HS3ST4: variants seen among roughly 807,000 people sequenced by gnomAD.
HS3ST4 encodes the protein heparan sulfate glucosamine 3-O-sulfotransferase 4.
A neutral mutation model predicts 29.2 loss-of-function variants in HS3ST4; 17 were observed. The ratio of observed to expected loss-of-function variants is 0.58; its 90% CI spans 0.40 to 0.87. The LOEUF (loss-of-function observed/expected upper bound fraction) is 0.87. Among genes scored for constraint, HS3ST4 ranks in the 40% least tolerant of loss-of-function variants. HS3ST4 has a pLI of 0.00. For synonymous variants in HS3ST4, 314 were observed against 285.7 expected, an observed-to-expected ratio of 1.10 and a Z score of -1.00; for missense variants, 627 against 634.5, an observed-to-expected ratio of 0.99 and a Z score of 0.13.
chr16:26,072,389 G>A (rs779596982), intron 1 of HS3ST4, among the ~76,000 whole-genome samples: 3 of 152,260 alleles, frequency 2.0e-5, no homozygotes, highest in East Asian at 3.9e-4. Context: ...GATAGCTTTG[G>A]TGTGGGACAC....
intron 1 of HS3ST4, among the ~76,000 whole-genome samples, chr16:25,806,526 C>T (rs1244456439): frequency 6.6e-6 from 1 of 152,080 alleles, no homozygotes; most frequent in Admixed American, 6.5e-5. Flanking sequence ...TGAACACAAT[C>T]CATTTTATAT....
chr16:25,758,955 C>CA (rs1419966225), intron 1 of HS3ST4, among the ~76,000 whole-genome samples: 21 of 118,084 alleles, frequency 1.8e-4, no homozygotes, highest in South Asian at 6.5e-4. Flanking sequence ...GACTCTGTCT[C>CA]AAAAAAAACA....
chr16:26,112,250 ATGTGTGTGTG>A (rs35207548), intron 1 of HS3ST4, among the ~76,000 whole-genome samples: 1 of 148,350 alleles, frequency 6.7e-6, no homozygotes, highest in South Asian at 2.1e-4. Context: ...GTGTGTGTGT[ATGTGTGTGTG>A]TGTGTGTGTG....
chr16:25,885,469 G>A (rs893471069), intron 1 of HS3ST4, among the ~76,000 whole-genome samples: 1 of 152,110 alleles, frequency 6.6e-6, no homozygotes, highest in Admixed American at 6.6e-5. Flanking sequence ...GCAACTTTGG[G>A]ATACCTTATT....
At chr16:26,033,513 T>TAA in intron 1 of HS3ST4, among the ~76,000 whole-genome samples, 1 of 80,418 alleles carries the variant, frequency 1.2e-5, no homozygotes, top group African/African-American at 4.3e-5. Flanking sequence ...AGACTCTGTC[T>TAA]CAAAAAAAAA....
intron 1 of HS3ST4, among the ~76,000 whole-genome samples, chr16:25,995,607 G>A (rs963742764): frequency 2.6e-5 from 4 of 152,168 alleles, no homozygotes; most frequent in African/African-American, 9.7e-5. Flanking sequence ...TCTCAATCGT[G>A]TGCCCATCCT....
At chr16:26,038,591 G>T (rs1033138498) in intron 1 of HS3ST4, among the ~76,000 whole-genome samples, 1 of 151,898 alleles carries the variant, frequency 6.6e-6, no homozygotes, top group Non-Finnish European at 1.5e-5. Flanking sequence ...CTGCTCATGG[G>T]CCCTCTCTAC....
At chr16:26,134,357 C>CTTTTTTTTTTTTTTTTTTTTT (rs1167036022) in intron 1 of HS3ST4, among the ~76,000 whole-genome samples, 2 of 109,066 alleles carry the variant, frequency 1.8e-5, no homozygotes, top group African/African-American at 3.8e-5. Flanking sequence ...CTTTTCTTTT[C>CTTTTTTTTTTTTTTTTTTTTT]TTTTCTTTTT....
At chr16:26,059,028 G>A (rs1012296885) in intron 1 of HS3ST4, among the ~76,000 whole-genome samples, 1 of 152,124 alleles carries the variant, frequency 6.6e-6, no homozygotes, top group Non-Finnish European at 1.5e-5. Flanking sequence ...CCTTGCCAAG[G>A]GAAGTGGAAA....
intron 1 of HS3ST4, among the ~76,000 whole-genome samples, chr16:25,848,609 C>T (rs544359852): frequency 3.5e-4 from 53 of 151,962 alleles, no homozygotes; most frequent in Admixed American, 1.8e-3. Flanking sequence ...TAGTTATGCC[C>T]TCTTCATCAT....
At chr16:26,125,924 T>C (rs1375616938) in intron 1 of HS3ST4, among the ~76,000 whole-genome samples, 1 of 152,254 alleles carries the variant, frequency 6.6e-6, no homozygotes, top group Non-Finnish European at 1.5e-5. Flanking sequence ...TCCAACTTCA[T>C]CTGGATACTC....
At chr16:25,973,375 C>G (rs569735928) in intron 1 of HS3ST4, among the ~76,000 whole-genome samples, 2 of 152,290 alleles carry the variant, frequency 1.3e-5, no homozygotes, top group Admixed American at 6.5e-5. Context: ...ATGGGAGGCT[C>G]TAAAGCCACA....
chr16:25,894,167 G>A (rs1306606099), intron 1 of HS3ST4, among the ~76,000 whole-genome samples: 1 of 152,098 alleles, frequency 6.6e-6, no homozygotes, highest in Non-Finnish European at 1.5e-5. Context: ...CATTTTAGTG[G>A]CTTTCCTTGG....
In HS3ST4 at chr16:25,957,005, A is replaced by T. The variant is rs1047741309; in HGVS notation, c.735-178607A>T. Among the ~76,000 whole-genome samples, 3 of 151,682 alleles carry T rather than the reference A, an allele frequency of 2.0e-5. 1 individual carries two copies. Among genetic ancestry groups the T allele is most frequent in the African/African-American group, 7.3e-5 (3 of 41,310 alleles). On this transcript the variant is annotated intron_variant, in intron 1 of 1. Coordinates refer to ENST00000331351, the MANE Select transcript of HS3ST4 (RefSeq NM_006040.3). ...AGAGCGAGACTCCGTCTCAAAAAAAAAAAAAAAAAAAAGCATGGGTTTTGT... is the reference window on the plus strand; with the variant it reads ...AGAGCGAGACTCCGTCTCAAAAAAATAAAAAAAAAAAAGCATGGGTTTTGT...
chr16:26,056,606 A>G (rs1898411702), intron 1 of HS3ST4, among the ~76,000 whole-genome samples: 1 of 152,132 alleles, frequency 6.6e-6, no homozygotes, highest in African/African-American at 2.4e-5. Context: ...CCTTTACCTA[A>G]TGTGTGCACA....
intron 1 of HS3ST4, among the ~76,000 whole-genome samples, chr16:25,855,204 A>G (rs138377403): frequency 2.0e-3 from 301 of 152,308 alleles, no homozygotes; most frequent in Non-Finnish European, 3.6e-3. Flanking sequence ...TGAAGATGGT[A>G]GAAAAAAATT....
At chr16:26,106,406 T>C (rs1376171611) in intron 1 of HS3ST4, among the ~76,000 whole-genome samples, 1 of 152,190 alleles carries the variant, frequency 6.6e-6, no homozygotes, top group African/African-American at 2.4e-5. Flanking sequence ...GCTACTTTAT[T>C]TGATCCTAAT....
At chr16:26,004,576 C>T (rs1396667710) in intron 1 of HS3ST4, among the ~76,000 whole-genome samples, 1 of 152,148 alleles carries the variant, frequency 6.6e-6, no homozygotes, top group Admixed American at 6.5e-5. Flanking sequence ...CATAAGACAG[C>T]TAGAGGCCAA....
At chr16:26,072,668 G>A (rs1419218706) in intron 1 of HS3ST4, among the ~76,000 whole-genome samples, 1 of 151,976 alleles carries the variant, frequency 6.6e-6, no homozygotes, top group East Asian at 1.9e-4. Context: ...CTTATTTTGT[G>A]GTTATCACAC....
Sources: allele counts gnomAD v4.1 joint callset (sites outside exome capture counted in the v4.1 genomes callset), GRCh38; gene constraint gnomAD v4.1.1; transcripts MANE v1.5; gene names NCBI Gene and HGNC (gene_info 2026-07-23, HGNC 2026-07-21).